The following CMC4 variants were observed in gnomAD, a reference collection of about 807,000 sequenced individuals.
The protein encoded by CMC4 is cx9C motif-containing protein 4.
A neutral mutation model predicts 5.1 loss-of-function variants in CMC4; 4 were observed. That is an observed-to-expected ratio of 0.78 (90% confidence interval 0.38 to 1.78). The LOEUF (loss-of-function observed/expected upper bound fraction) is 1.78. CMC4 is among the 40% of genes most tolerant of loss of function. CMC4 has a pLI of 0.04. For missense variants in CMC4, 52 were observed against 51.3 expected, an observed-to-expected ratio of 1.01 and a Z score of -0.04; for synonymous variants, 23 against 18.9, an observed-to-expected ratio of 1.22 and a Z score of -0.57.
intron 1 of CMC4, among the ~76,000 whole-genome samples, chrX:155,070,068 T>G (rs1460445349): frequency 1.8e-5 from 2 of 112,315 alleles, no homozygotes; most frequent in Non-Finnish European, 3.8e-5. Context: ...TAGAAAGATG[T>G]GCCATGTGAT....
Position 155,064,455 on chromosome X carries a change from GTA to G in CMC4, c.-10-424_-10-423del, listed in dbSNP as rs782325953. The G allele has an allele frequency of 2.9e-3, 331 of 113,531 alleles. 1 individual carries two copies. Among genetic ancestry groups the G allele is most frequent in the Non-Finnish European group, 4.0e-3 (216 of 54,258 alleles). The allele number at this position is 113,531 out of a possible 1,213,427, so 9.4% of individuals were successfully genotyped here. On this transcript the variant is annotated intron_variant, in intron 1 of 2. Transcript: ENST00000369484. Reference sequence around the variant, plus strand: ...TGACAGGAGGATTAAATGTGATAAAGTATATAAAGTACATACAATAGTGCCTG... The same window carrying G: ...TGACAGGAGGATTAAATGTGATAAAGTATAAAGTACATACAATAGTGCCTG...
At position 155,061,676 on chromosome X, in the gene CMC4, T is replaced by A; in HGVS notation, c.*167A>T. The A allele has an allele frequency of 3.9e-6, 2 of 513,776 alleles. No individual in the cohort carries two copies. Among genetic ancestry groups the A allele is most frequent in the South Asian group, 3.9e-5 (1 of 25,841 alleles). The allele number at this position is 513,776 out of a possible 1,213,427, so 42.3% of individuals were successfully genotyped here. A position where few individuals can be genotyped will look rare whatever the true frequency, so the allele number is the denominator to read the frequency against. ...GCTCAGTATATTACATTCTACATATTTGTCTTTTAATGTGTTTATATTTCT... is the reference window on the plus strand; with the variant it reads ...GCTCAGTATATTACATTCTACATATATGTCTTTTAATGTGTTTATATTTCT... On this transcript the variant is annotated 3_prime_UTR_variant, in exon 3 of 3. Coordinates refer to ENST00000369484, the MANE Select transcript of CMC4 (RefSeq NM_001018024.3).
intron 2 of CMC4, among the ~76,000 whole-genome samples, chrX:155,063,481 A>G (rs1406475755): frequency 1.8e-5 from 2 of 112,465 alleles, no homozygotes; most frequent in African/African-American, 6.5e-5. Context: ...GGACAAATGG[A>G]CAAATCACCT....
intron 1 of CMC4, among the ~76,000 whole-genome samples, 194 bp downstream of exon 1, chrX:155,070,500 C>G (rs1397768652): frequency 1.8e-5 from 2 of 111,216 alleles, no homozygotes; most frequent in Non-Finnish European, 3.8e-5. Context: ...ACAAGGAGAC[C>G]CGAGGAAACT....
chrX:155,065,386 T>C, intron 1 of CMC4: 1 of 784,879 alleles, frequency 1.3e-6, no homozygotes. Context: ...CATATCTTCG[T>C]AGAATCCCAG....
intron 1 of CMC4, among the ~76,000 whole-genome samples, chrX:155,066,349 C>T (rs1399205728): frequency 2.7e-5 from 3 of 112,172 alleles, no homozygotes; most frequent in African/African-American, 9.7e-5. Context: ...GCAGTGGTCT[C>T]ACACATACTG....
intron 1 of CMC4, chrX:155,065,227 G>A: frequency 5.2e-6 from 2 of 387,307 alleles, no homozygotes; most frequent in Admixed American, 4.7e-5. Context: ...ACCTCTCTCT[G>A]CAGTTTCACT....
chrX:155,068,814 A>G (rs868913531), intron 1 of CMC4, among the ~76,000 whole-genome samples: 1 of 112,684 alleles, frequency 8.9e-6, no homozygotes, highest in South Asian at 3.6e-4. Flanking sequence ...TACAAAATTC[A>G]GGACTTCTCG....
intron 1 of CMC4, among the ~76,000 whole-genome samples, chrX:155,066,570 T>C (rs1364441736): frequency 2.7e-5 from 3 of 112,164 alleles, no homozygotes; most frequent in African/African-American, 9.7e-5. Flanking sequence ...AATTAAAAGT[T>C]TGTTTTAAGG....
At chrX:155,067,934 G>GC (rs2073955191) in intron 1 of CMC4, among the ~76,000 whole-genome samples, 1 of 112,193 alleles carries the variant, frequency 8.9e-6, no homozygotes, top group Non-Finnish European at 1.9e-5. Context: ...TTTTTCCAAA[G>GC]CCCCCCTTTT....
chrX:155,061,809 T>G lies in CMC4; in HGVS notation c.*34A>C. On this transcript the variant is annotated 3_prime_UTR_variant, in exon 3 of 3. Coordinates refer to ENST00000369484, the MANE Select transcript of CMC4 (RefSeq NM_001018024.3). Reference sequence around the variant, plus strand: ...GTCAGGAGGATAAAAAAAATTCATTTGGTGGAAACATGGAGCAGCACTTCA... The same window carrying G: ...GTCAGGAGGATAAAAAAAATTCATTGGGTGGAAACATGGAGCAGCACTTCA... The G allele has an allele frequency of 8.4e-7, 1 of 1,194,372 alleles. No homozygotes were observed. Among genetic ancestry groups the G allele is most frequent in the African/African-American group, 1.7e-5 (1 of 57,258 alleles).
At chrX:155,066,119 A>G in intron 1 of CMC4, 1 of 549,133 alleles carries the variant, frequency 1.8e-6, no homozygotes, top group Non-Finnish European at 3.0e-6. Flanking sequence ...CTCACCAGTA[A>G]GCAAGGTGAT....
chrX:155,070,126 C>G (rs1239224586), intron 1 of CMC4, among the ~76,000 whole-genome samples: 1 of 112,088 alleles, frequency 8.9e-6, no homozygotes, highest in Non-Finnish European at 1.9e-5. Context: ...GTGCACATTA[C>G]AGATCGTTGC....
chrX:155,071,094 G>A lies in CMC4; in HGVS notation c.-411C>T, dbSNP rs1212819045. The A allele has an allele frequency of 9.0e-6, 1 of 110,963 alleles. No individual in the cohort carries two copies. The highest frequency in any genetic ancestry group is 1.9e-5 in the Non-Finnish European group (1 of 52,475). 9.1% of individuals were successfully genotyped at this position (110,963 alleles called of 1,213,427 possible). ...GCGGGCAAAATGGGCGCCGGTACTC[G>A]GGAGGCGCCTGCCCAGGCGCCCGGG... On this transcript the variant is annotated 5_prime_UTR_variant, in exon 1 of 3. Transcript: ENST00000369484.
At chrX:155,065,258 T>C (rs2073943763) in intron 1 of CMC4, 1 of 433,698 alleles carries the variant, frequency 2.3e-6, no homozygotes. Context: ...TTCATGACCC[T>C]TGCTAAACTT....
intron 1 of CMC4, among the ~76,000 whole-genome samples, chrX:155,066,599 A>G (rs1184465261): frequency 6.2e-5 from 7 of 112,262 alleles, no homozygotes; most frequent in African/African-American, 2.3e-4. Flanking sequence ...TCTATTTATC[A>G]GTTTACTAAG....
intron 1 of CMC4, among the ~76,000 whole-genome samples, chrX:155,066,552 A>G (rs1399836354): frequency 1.8e-5 from 2 of 112,588 alleles, no homozygotes; most frequent in South Asian, 3.6e-4. Flanking sequence ...CATGTCTTTC[A>G]GAGTTGAAAT....
intron 1 of CMC4, 74 bp from the exon 2 acceptor site, chrX:155,064,107 TTC>T: frequency 2.4e-6 from 2 of 829,562 alleles, no homozygotes; most frequent in Non-Finnish European, 3.4e-6. Flanking sequence ...TGGAATTTTC[TTC>T]TGAGACAAGC....
intron 2 of CMC4, 96 bp from the exon 3 acceptor site, chrX:155,062,087 A>G: frequency 4.8e-6 from 4 of 832,100 alleles, no homozygotes; most frequent in Non-Finnish European, 6.5e-6. Context: ...CACTTTCAGT[A>G]CCTATGGAAC....
Sources: allele counts gnomAD v4.1 joint callset (sites outside exome capture counted in the v4.1 genomes callset), GRCh38; gene constraint gnomAD v4.1.1; transcripts MANE v1.5; gene names NCBI Gene and HGNC (gene_info 2026-07-23, HGNC 2026-07-21).